Variants in XPC observed in about 807,000 individuals in gnomAD.
The protein encoded by XPC is DNA repair protein complementing XP-C cells.
XPC carries 76 observed loss-of-function variants against 95.8 expected under a neutral mutation model. That is an observed-to-expected ratio of 0.79 (90% CI 0.66 to 0.96). The LOEUF (loss-of-function observed/expected upper bound fraction) is 0.96, where lower values mean the gene tolerates loss of function less well. XPC is among the 40% of genes least tolerant of loss of function. XPC has a pLI of 0.00. For synonymous variants in XPC, 442 were observed against 442.1 expected, an observed-to-expected ratio of 1.00 and a Z score of 0.00; for missense variants, 1,146 against 1,179.8, an observed-to-expected ratio of 0.97 and a Z score of 0.42.
chr3:14,159,462 G>A (rs1421455210), intron 8 of XPC, among the ~76,000 whole-genome samples: 1 of 152,080 alleles, frequency 6.6e-6, no homozygotes, highest in East Asian at 1.9e-4. Context: ...ACTCCACGGA[G>A]CAAGCAAGGA....
At chr3:14,172,755 A>C (rs1334258274) in intron 2 of XPC, 112 bp downstream of exon 2, 4 of 1,243,368 alleles carry the variant, frequency 3.2e-6, no homozygotes, top group Non-Finnish European at 4.4e-6. Context: ...AAGAATTTAA[A>C]GATCCAATCT....
intron 9 of XPC, among the ~76,000 whole-genome samples, chr3:14,157,511 G>A (rs1695965693): frequency 6.6e-6 from 1 of 152,046 alleles, no homozygotes; most frequent in African/African-American, 2.4e-5. Context: ...CTCCCGGTCT[G>A]CCTTCTCAAT....
intron 4 of XPC, 59 bp from the exon 5 acceptor site, chr3:14,167,312 C>T: frequency 7.0e-7 from 1 of 1,427,900 alleles, no homozygotes; most frequent in Non-Finnish European, 9.6e-7. Flanking sequence ...AGACTCCACT[C>T]CCCCAGGCAA....
intron 11 of XPC, chr3:14,149,846 A>C (rs1695615959): frequency 6.6e-6 from 1 of 152,214 alleles, no homozygotes; most frequent in African/African-American, 2.4e-5. Context: ...TTACAGATGA[A>C]CACCACAGAC....
chr3:14,152,459 C>T lies in XPC; in HGVS notation c.2034-43G>A, dbSNP rs746514282. The stretch of plus-strand genomic sequence containing the variant: ...GACACAAAGGTAACTCAGTCCACAG[C>T]CCCACTGCGGGAATGCGGGACAGTG... On this transcript the variant is annotated intron_variant, in intron 10 of 15. Coordinates refer to ENST00000285021, the MANE Select transcript of XPC (RefSeq NM_004628.5). 3.8e-6 allele frequency: 6 copies of T among 1,562,152 alleles called. No homozygotes were observed. The Admixed American group carries it at 7.3e-5, about 19-fold the overall frequency.
intron 2 of XPC, among the ~76,000 whole-genome samples, chr3:14,170,774 TA>T (rs1462741529): frequency 6.6e-6 from 1 of 152,154 alleles, no homozygotes; most frequent in Non-Finnish European, 1.5e-5. Context: ...GATGTGCTGT[TA>T]AAAAACCTAC....
rs1319408245 is a variant in XPC at position 14,156,510 on chromosome 3, C to G, written c.1873-15G>C. ...TTAGCCTGAAACTGCAAAGGCCAGACAGACAAGGTTGAGCATGTTATTTAG... is the reference window on the plus strand; with the variant it reads ...TTAGCCTGAAACTGCAAAGGCCAGAGAGACAAGGTTGAGCATGTTATTTAG... On this transcript the variant is annotated splice_polypyrimidine_tract_variant and intron_variant, in intron 9 of 15. Transcript: ENST00000285021. 1.9e-6 allele frequency: 3 copies of G among 1,613,614 alleles called. No individual in the cohort carries two copies. The highest frequency in any genetic ancestry group is 1.7e-6 in the Non-Finnish European group (2 of 1,179,776).
chr3:14,160,199 C>T (rs11920553), intron 7 of XPC, among the ~76,000 whole-genome samples: 2,025 of 152,198 alleles, frequency 0.013, 45 homozygotes, highest in African/African-American at 0.044. Context: ...TGCTTACCTA[C>T]CTTCTGATTG....
At chr3:14,146,377 C>T (rs1695438244) in intron 15 of XPC, among the ~76,000 whole-genome samples, 1 of 152,106 alleles carries the variant, frequency 6.6e-6, no homozygotes, top group South Asian at 2.1e-4. Context: ...CTGCTACGAG[C>T]TGAGTGCAGG....
intron 2 of XPC, among the ~76,000 whole-genome samples, chr3:14,171,323 T>C (rs1696602838): frequency 6.6e-6 from 1 of 152,158 alleles, no homozygotes; most frequent in South Asian, 2.1e-4. Flanking sequence ...TAATACACTC[T>C]TTTTTTAGAG....
chr3:14,166,599 T>C (rs1559380469), intron 5 of XPC, among the ~76,000 whole-genome samples: 2 of 151,720 alleles, frequency 1.3e-5, no homozygotes, highest in Non-Finnish European at 2.9e-5. Flanking sequence ...GCTAGAGTCT[T>C]CAACTTTTTC....
At chr3:14,166,047 T>C (rs955040596) in intron 5 of XPC, 2 of 163,782 alleles carry the variant, frequency 1.2e-5, no homozygotes, top group African/African-American at 4.8e-5. Flanking sequence ...CCTCTCTGGG[T>C]GTTTGAGCCC....
In XPC at chr3:14,166,496, A is replaced by G. The variant is rs77050611; in HGVS notation, c.621+673T>C. Among the ~76,000 whole-genome samples the G allele has an allele frequency of 7.4e-3, 1,123 of 151,972 alleles. 19 individuals are homozygous for G. The highest frequency in any genetic ancestry group is 0.023 in the African/African-American group (969 of 41,400). On this transcript the variant is annotated intron_variant, in intron 5 of 15. Coordinates refer to ENST00000285021, the MANE Select transcript of XPC (RefSeq NM_004628.5). ...GCCCACCATCCATCAAAGGGAAACC[A>G]AAGCCCACCCTCCCTTCACCCCCAC...
chr3:14,171,817 C>T (rs886727479), intron 2 of XPC, among the ~76,000 whole-genome samples: 2 of 151,762 alleles, frequency 1.3e-5, no homozygotes, highest in African/African-American at 2.4e-5. Flanking sequence ...AGCGAGACTC[C>T]ATTAAGGACG....
intron 7 of XPC, chr3:14,164,541 C>A: frequency 3.2e-6 from 1 of 316,288 alleles, no homozygotes; most frequent in Non-Finnish European, 5.7e-6. Context: ...AAACTACGGG[C>A]TTTTTGGTAC....
At chr3:14,168,142 T>C in intron 4 of XPC, 115 bp downstream of exon 4, 3 of 1,383,844 alleles carry the variant, frequency 2.2e-6, no homozygotes, top group Non-Finnish European at 2.9e-6. Context: ...CCCAAGGTTC[T>C]CGACCACTTT....
intron 13 of XPC, chr3:14,148,314 T>C: frequency 1.6e-6 from 1 of 611,802 alleles, no homozygotes; most frequent in Non-Finnish European, 2.8e-6. Context: ...CTCACTAGCC[T>C]GTGAGTCCCT....
intron 7 of XPC, 35 bp from the exon 8 acceptor site, chr3:14,159,865 A>G: frequency 6.5e-7 from 1 of 1,528,842 alleles, no homozygotes; most frequent in Non-Finnish European, 8.9e-7. Context: ...TTATCCTAAG[A>G]AAGTAATTAA....
At chr3:14,170,665 T>C in intron 2 of XPC, 115 bp from the exon 3 acceptor site, 3 of 741,740 alleles carry the variant, frequency 4.0e-6, no homozygotes, top group Non-Finnish European at 6.6e-6. Context: ...GTTGCAACTA[T>C]TTAAAGATGA....
Sources: gnomAD v4.1 joint callset for allele counts (sites outside exome capture counted in the v4.1 genomes callset) on GRCh38, gnomAD v4.1.1 for gene constraint, MANE v1.5 for transcripts, NCBI Gene and HGNC (gene_info 2026-07-23, HGNC 2026-07-21) for gene names.